Variants in SEPTIN9 observed in about 807,000 individuals in gnomAD.
SEPTIN9 encodes the protein septin-9.
Under a neutral mutation model 56.6 loss-of-function variants are expected in SEPTIN9, and 13 were observed. The ratio of observed to expected loss-of-function variants is 0.23; its 90% CI spans 0.15 to 0.37. The LOEUF (loss-of-function observed/expected upper bound fraction) is 0.37, where lower values mean the gene tolerates loss of function less well. SEPTIN9 is among the 10% of genes least tolerant of loss of function. SEPTIN9 has a pLI of 1.00. For missense variants in SEPTIN9, 650 were observed against 823.1 expected (o/e 0.79, Z 2.57); for synonymous variants, 332 against 334.1 (o/e 0.99, Z 0.07).
Position 77,451,474 on chromosome 17 carries a change from T to TGGGC in SEPTIN9, c.722-30665_722-30662dup, listed in dbSNP as rs1483973425. On this transcript the variant is annotated intron_variant, in intron 3 of 11. Transcript: ENST00000427177. This position sits in a 1 kb window ranked among gnomAD's most constrained non-coding sequence, Gnocchi z 4.2. The stretch of plus-strand genomic sequence containing the variant: ...CTCGGCTCTGAGCCATGTGACCCGG[T>TGGGC]GGGCGGGCCGCGGCTCTCGGCGCGT... 20 of 985,726 alleles carry TGGGC rather than the reference T, an allele frequency of 2.0e-5. No individual in the cohort carries two copies. The highest frequency in any genetic ancestry group is 2.3e-5 in the Non-Finnish European group (19 of 830,288). The allele number at this position is 985,726 out of a possible 1,614,324, so 61.1% of individuals were successfully genotyped here. A position where few individuals can be genotyped will look rare whatever the true frequency, so the allele number is the denominator to read the frequency against.
intron 1 of SEPTIN9, among the ~76,000 whole-genome samples, chr17:77,305,794 C>T (rs989390675): frequency 1.3e-5 from 2 of 151,010 alleles, no homozygotes; most frequent in Non-Finnish European, 2.9e-5. Context: ...GGGCAGTTCA[C>T]TCTGCCTCCG....
At chr17:77,365,814 ACCACGTCGC>A (rs1420734766) in intron 2 of SEPTIN9, among the ~76,000 whole-genome samples, 2 of 152,152 alleles carry the variant, frequency 1.3e-5, no homozygotes, top group Non-Finnish European at 2.9e-5. Context: ...CTCCCTGGGG[ACCACGTCGC>A]CTCAGTCACT....
chr17:77,337,367 A>C (rs747668362), intron 2 of SEPTIN9, among the ~76,000 whole-genome samples: 1 of 152,012 alleles, frequency 6.6e-6, no homozygotes, highest in African/African-American at 2.4e-5. Context: ...TGCTTATGAG[A>C]TATCATCCTT....
At position 77,445,783 on chromosome 17, in the gene SEPTIN9, C is replaced by A; in HGVS notation, c.722-36361C>A. The A allele has an allele frequency of 4.3e-6, 1 of 233,228 alleles. No individual in the cohort carries two copies. Among genetic ancestry groups the A allele is most frequent in the Non-Finnish European group, 9.5e-6 (1 of 105,376 alleles). The allele number at this position is 233,228 out of a possible 1,614,324, so 14.4% of individuals were successfully genotyped here. ...TAGGCTGGCCAATGGTGCTCCCTCCCCTGTGACCCTTCTGTTGGGTGGGTC... is the reference window on the plus strand; with the variant it reads ...TAGGCTGGCCAATGGTGCTCCCTCCACTGTGACCCTTCTGTTGGGTGGGTC... On this transcript the variant is annotated intron_variant, in intron 3 of 11. Transcript: ENST00000427177. The surrounding 1 kb of genome is among the most constrained non-coding windows in gnomAD (Gnocchi z 4.7).
In SEPTIN9 at chr17:77,492,746, A is replaced by G. The variant is rs532451364; in HGVS notation, c.1476+30A>G. The G allele has an allele frequency of 2.5e-4, 394 of 1,594,632 alleles. 3 individuals carry two copies. In the Admixed American group the frequency reaches 6.4e-3, roughly 26 times the overall value. On this transcript the variant is annotated intron_variant, in intron 9 of 11. Transcript: ENST00000427177. The surrounding 1 kb of genome is among the most constrained non-coding windows in gnomAD (Gnocchi z 5.4). ...GTGGATCCACTAGGATGTTGTTCCC[A>G]GGGGACCCCCAGTTCCTGCTGAAGG...
intron 4 of SEPTIN9, among the ~76,000 whole-genome samples, chr17:77,485,531 T>A (rs948800909): frequency 1.3e-5 from 2 of 151,714 alleles, no homozygotes; most frequent in Non-Finnish European, 2.9e-5. Flanking sequence ...GTGGTGATGA[T>A]AAGGGTGATG....
chr17:77,423,453 G>A (rs11655686), intron 3 of SEPTIN9, among the ~76,000 whole-genome samples: 45,095 of 152,198 alleles, frequency 0.3, 7,720 homozygotes, highest in Non-Finnish European at 0.4. Context: ...CCAGATGGCG[G>A]CCTGGAGGCA....
chr17:77,320,162 G>C (rs1012751027), intron 2 of SEPTIN9: 1 of 1,530,308 alleles, frequency 6.5e-7, no homozygotes, highest in Non-Finnish European at 8.8e-7. Context: ...GGATGCATTC[G>C]TGATTGCAAC....
rs563964076 is a variant in SEPTIN9, at chr17:77,320,151, C to T, written c.76+12954C>T. 91 of 1,509,846 alleles carry T rather than the reference C, an allele frequency of 6.0e-5. 1 individual carries two copies. Among genetic ancestry groups the T allele is most frequent in the Admixed American group, 2.1e-5 (1 of 47,716 alleles). The allele number at this position is 1,509,846 out of a possible 1,614,324, so 93.5% of individuals were successfully genotyped here. ...ATCAGCACATGGAAATGTGGTAATT[C>T]GGATGCATTCGTGATTGCAACAGAT... On this transcript the variant is annotated intron_variant, in intron 2 of 11. Coordinates refer to ENST00000427177, the MANE Select transcript of SEPTIN9 (RefSeq NM_001113491.2).
rs374729991 is a variant in SEPTIN9, at chr17:77,475,701, G to C, written c.722-6443G>C. The stretch of plus-strand genomic sequence containing the variant: ...CCACGCTGGGCCGGGGTGGATGGAG[G>C]CAAGGAAGTCTTCGCCGGGGCAAGG... On this transcript the variant is annotated intron_variant, in intron 3 of 11. Coordinates refer to ENST00000427177, the MANE Select transcript of SEPTIN9 (RefSeq NM_001113491.2). This position sits in a 1 kb window ranked among gnomAD's most constrained non-coding sequence, Gnocchi z 4.6. 4.3e-6 allele frequency: 7 copies of C among 1,613,446 alleles called. No homozygotes were observed. Among genetic ancestry groups the C allele is most frequent in the Non-Finnish European group, 5.9e-6 (7 of 1,179,890 alleles).
chr17:77,339,914 C>T (rs1356522550), intron 2 of SEPTIN9, among the ~76,000 whole-genome samples: 1 of 152,068 alleles, frequency 6.6e-6, no homozygotes, highest in Admixed American at 6.6e-5. Context: ...CAGCCTCCGC[C>T]TCCCAGGTTC....
intron 2 of SEPTIN9, among the ~76,000 whole-genome samples, chr17:77,391,986 G>C (rs368867): frequency 6.6e-6 from 1 of 152,200 alleles, no homozygotes; most frequent in Non-Finnish European, 1.5e-5. Flanking sequence ...CCAGTGCTCC[G>C]TTTCTGGAAG....
intron 2 of SEPTIN9, among the ~76,000 whole-genome samples, chr17:77,382,111 T>A (rs1359747716): frequency 6.6e-6 from 1 of 152,150 alleles, no homozygotes; most frequent in South Asian, 2.1e-4. Flanking sequence ...CACTGCATCC[T>A]CCGCCTCCTG....
At chr17:77,358,314 T>A (rs2034316992) in intron 2 of SEPTIN9, among the ~76,000 whole-genome samples, 1 of 152,160 alleles carries the variant, frequency 6.6e-6, no homozygotes, top group Admixed American at 6.5e-5. Context: ...CAGACTGTTA[T>A]TTTCCAGTTC....
At chr17:77,345,429 C>T (rs575632756) in intron 2 of SEPTIN9, among the ~76,000 whole-genome samples, 4 of 152,322 alleles carry the variant, frequency 2.6e-5, no homozygotes, top group Admixed American at 1.3e-4. Flanking sequence ...CCACGTCTTA[C>T]GTTCAGGCCT....
intron 2 of SEPTIN9, among the ~76,000 whole-genome samples, chr17:77,360,831 T>C (rs558234149): frequency 1.3e-5 from 2 of 152,000 alleles, no homozygotes; most frequent in South Asian, 4.2e-4. Context: ...CCCAAAATGC[T>C]GGCATTATGC....
intron 2 of SEPTIN9, among the ~76,000 whole-genome samples, chr17:77,346,266 A>C (rs953390917): frequency 1.7e-5 from 2 of 116,650 alleles, no homozygotes; most frequent in African/African-American, 5.8e-5. Flanking sequence ...TTCTTAAAGC[A>C]GATCCTTAGG....
intron 3 of SEPTIN9, among the ~76,000 whole-genome samples, chr17:77,473,429 C>G (rs893150878): frequency 6.6e-6 from 1 of 152,078 alleles, no homozygotes; most frequent in African/African-American, 2.4e-5. Flanking sequence ...GATGGGGTCT[C>G]GCTACGTTGC....
At chr17:77,422,482 C>T (rs757568633) in intron 3 of SEPTIN9, among the ~76,000 whole-genome samples, 1 of 152,092 alleles carries the variant, frequency 6.6e-6, no homozygotes, top group South Asian at 2.1e-4. Context: ...GCCTCCAGGG[C>T]CAGGTCTCCA....
Sources: gnomAD v4.1 joint callset for allele counts (sites outside exome capture counted in the v4.1 genomes callset) on GRCh38, gnomAD v4.1.1 for gene constraint, Gnocchi (gnomAD v3.1) non-coding constraint, MANE v1.5 for transcripts, NCBI Gene and HGNC (gene_info 2026-07-23, HGNC 2026-07-21) for gene names.